The following FSD1L variants were observed in gnomAD, a reference collection of about 807,000 sequenced individuals.
FSD1L encodes fibronectin type III and SPRY domain containing 1 like.
In FSD1L, 45 loss-of-function variants were observed where a neutral mutation model predicts 71.6. The observed-to-expected ratio is 0.63, with a 90% CI of 0.49 to 0.81. The LOEUF is 0.81. Among genes scored for constraint, FSD1L ranks in the 30% least tolerant of loss-of-function variants. The pLI is 0.00. For missense variants in FSD1L, 561 were observed against 618.1 expected (o/e 0.91, Z 0.98); for synonymous variants, 197 against 207.2 (o/e 0.95, Z 0.42).
At chr9:105,462,418 G>A (rs1564081684) in intron 2 of FSD1L, among the ~76,000 whole-genome samples, 1 of 150,442 alleles carries the variant, frequency 6.6e-6, no homozygotes, top group African/African-American at 2.4e-5. Flanking sequence ...ACAGGGTTTC[G>A]CCATGTTGGC....
At position 105,552,108 on chromosome 9, in the gene FSD1L, C is replaced by T. The variant is rs1275492250; in HGVS notation, c.*5625C>T. The T allele has an allele frequency of 1.3e-5, 2 of 152,134 alleles. No individual in the cohort carries two copies. The highest frequency in any genetic ancestry group is 2.9e-5 in the Non-Finnish European group (2 of 68,014). The allele number at this position is 152,134 out of a possible 1,614,324, so 9.4% of individuals were successfully genotyped here. On this transcript the variant is annotated 3_prime_UTR_variant, in exon 14 of 14. Coordinates refer to ENST00000481272, the MANE Select transcript of FSD1L (RefSeq NM_001145313.3). ...ATCTGAATCTACAGATTTAGTATGT[C>T]TATTATCTGGACATGATTTTGCTAT...
chr9:105,534,951 A>T lies in FSD1L; in HGVS notation c.1127-116A>T. On this transcript the variant is annotated intron_variant, in intron 11 of 13. Transcript: ENST00000481272. Reference sequence around the variant, plus strand: ...TCTGTGTGTTAACATGATTATTCTTATAGGAAAAGTACTTGAATAAAAATT... The same window carrying T: ...TCTGTGTGTTAACATGATTATTCTTTTAGGAAAAGTACTTGAATAAAAATT... The T allele has an allele frequency of 3.2e-6, 3 of 927,028 alleles. No individual in the cohort carries two copies. In the South Asian group the frequency reaches 4.7e-5, roughly 14 times the overall value. 57.4% of individuals were successfully genotyped at this position (927,028 alleles called of 1,614,324 possible). A position where few individuals can be genotyped will look rare whatever the true frequency, so the allele number is the denominator to read the frequency against.
At chr9:105,520,630 G>A (rs543204871) in intron 10 of FSD1L, 13 of 1,605,638 alleles carry the variant, frequency 8.1e-6, no homozygotes, top group African/African-American at 6.7e-5. Context: ...AAGATTAGGC[G>A]GGAAGGTGTT....
chr9:105,505,320 G>A (rs1833989353), intron 7 of FSD1L, among the ~76,000 whole-genome samples: 1 of 152,184 alleles, frequency 6.6e-6, no homozygotes. Flanking sequence ...GAGTGTAGTG[G>A]CACGATCTCG....
rs1488677535 is a variant in FSD1L at position 105,471,885 on chromosome 9, T to G, written c.340-19T>G. On this transcript the variant is annotated intron_variant, in intron 4 of 13. Transcript: ENST00000481272. The stretch of plus-strand genomic sequence containing the variant: ...GAAACTTCATTTTAATGACTTAGTT[T>G]TTTTTTTTTTTTCCCTAGAGTCAGA... The G allele has an allele frequency of 7.0e-6, 7 of 999,978 alleles. No homozygotes were observed. The Admixed American group carries it at 2.4e-4, about 35-fold the overall frequency. 61.9% of individuals were successfully genotyped at this position (999,978 alleles called of 1,614,324 possible).
chr9:105,480,627 T>G (rs936347663), intron 6 of FSD1L, among the ~76,000 whole-genome samples: 3 of 152,196 alleles, frequency 2.0e-5, no homozygotes, highest in Admixed American at 2.0e-4. Context: ...ATATTTTACA[T>G]CAGGCAGTAG....
intron 7 of FSD1L, among the ~76,000 whole-genome samples, chr9:105,491,710 G>C (rs528977477): frequency 5.8e-4 from 88 of 152,056 alleles, no homozygotes; most frequent in Non-Finnish European, 9.1e-4. Context: ...TAGCATGAAG[G>C]GTTGTTGAAT....
intron 10 of FSD1L, chr9:105,524,259 G>A: frequency 6.2e-7 from 1 of 1,612,418 alleles, no homozygotes; most frequent in East Asian, 2.2e-5. Flanking sequence ...AGCCCACGTA[G>A]CTTGTAACAT....
intron 10 of FSD1L, chr9:105,520,064 C>G (rs1835031035): frequency 1.3e-6 from 2 of 1,544,406 alleles, no homozygotes; most frequent in Non-Finnish European, 1.7e-6. Context: ...TCCACTCCCT[C>G]CACTTTCTGC....
rs1588927795 is a variant in FSD1L at position 105,461,708 on chromosome 9, C to T, written c.111+93C>T. On this transcript the variant is annotated intron_variant, in intron 2 of 13. Coordinates refer to ENST00000481272, the MANE Select transcript of FSD1L (RefSeq NM_001145313.3). ...GTCTTTGACTATACTCATTAAAAAA[C>T]AGGAACATTAAAAAGGTAGGCTTTA... 33 of 724,256 alleles carry T rather than the reference C, an allele frequency of 4.6e-5. 1 individual carries two copies. In the South Asian group the frequency reaches 5.9e-4, roughly 13 times the overall value. The allele number at this position is 724,256 out of a possible 1,614,324, so 44.9% of individuals were successfully genotyped here. A position where few individuals can be genotyped will look rare whatever the true frequency, so the allele number is the denominator to read the frequency against.
upstream of FSD1L, among the ~76,000 whole-genome samples, chr9:105,444,370 G>C (rs188677786): frequency 6.6e-6 from 1 of 152,140 alleles, no homozygotes; most frequent in Admixed American, 6.5e-5. Context: ...CTCACTGAAG[G>C]CTACGTTGCT....
At chr9:105,538,480 C>T (rs1432204600) in intron 12 of FSD1L, among the ~76,000 whole-genome samples, 1 of 152,190 alleles carries the variant, frequency 6.6e-6, no homozygotes, top group African/African-American at 2.4e-5. Flanking sequence ...AAGTTATCCC[C>T]AGGGTTATGA....
At chr9:105,443,867 T>A (rs1829586002), upstream of FSD1L, among the ~76,000 whole-genome samples, 1 of 152,204 alleles carries the variant, frequency 6.6e-6, no homozygotes. Flanking sequence ...AAATTTAATA[T>A]GAATTATATG....
chr9:105,517,348 A>G (rs1834794545), intron 10 of FSD1L, among the ~76,000 whole-genome samples: 2 of 152,192 alleles, frequency 1.3e-5, no homozygotes, highest in African/African-American at 2.4e-5. Context: ...CTCCTCAAGA[A>G]GAGCAACCCC....
Position 105,452,669 on chromosome 9 carries a change from G to GCCTGCCTGCCTGCCTT in FSD1L, c.15+4437_15+4438insGCCTGCCTGCCTTCCT, listed in dbSNP as rs1191519308. The stretch of plus-strand genomic sequence containing the variant: ...TGCCTGCCTGCCTGCCTGCCTGCCT[G>GCCTGCCTGCCTGCCTT]CCTTCCTTCCTTCCTTCCTTCCTTC... On this transcript the variant is annotated intron_variant, in intron 1 of 13. Transcript: ENST00000481272. Among the ~76,000 whole-genome samples, 101 of 96,222 alleles carry GCCTGCCTGCCTGCCTT rather than the reference G, an allele frequency of 1.0e-3. 1 individual carries two copies. The highest frequency in any genetic ancestry group is 3.4e-3 in the African/African-American group (80 of 23,580). The allele number at this position is 96,222 out of a possible 152,430, so 63.1% of individuals were successfully genotyped here. A position where few individuals can be genotyped will look rare whatever the true frequency, so the allele number is the denominator to read the frequency against.
chr9:105,468,113 C>G, intron 3 of FSD1L, 80 bp from the exon 4 acceptor site: 1 of 908,618 alleles, frequency 1.1e-6, no homozygotes, highest in African/African-American at 1.7e-5. Context: ...TAAATTTATT[C>G]TCTCTTTTGG....
intron 5 of FSD1L, among the ~76,000 whole-genome samples, chr9:105,477,511 A>G (rs559695084): frequency 3.9e-5 from 6 of 152,304 alleles, no homozygotes; most frequent in South Asian, 2.1e-4. Context: ...GCTGTGAGAA[A>G]AAGCAGAAAG....
chr9:105,442,581 G>A, the FSD1L span, among the ~76,000 whole-genome samples: 3 of 151,852 alleles, frequency 2.0e-5, no homozygotes, highest in African/African-American at 7.3e-5. Flanking sequence ...CCAGCTACTC[G>A]GCAGGCTGAG....
intron 7 of FSD1L, among the ~76,000 whole-genome samples, chr9:105,503,739 G>A (rs1381375227): frequency 1.4e-4 from 21 of 152,104 alleles, no homozygotes; most frequent in Admixed American, 6.5e-5. Context: ...TTTGTATGCC[G>A]TATTTGATGA....
Sources: gnomAD v4.1 joint callset for allele counts (sites outside exome capture counted in the v4.1 genomes callset) on GRCh38, gnomAD v4.1.1 for gene constraint, MANE v1.5 for transcripts, NCBI Gene and HGNC (gene_info 2026-07-23, HGNC 2026-07-21) for gene names.